NR2C1: variants seen among roughly 807,000 people sequenced by gnomAD.
The protein encoded by NR2C1 is TR2 nuclear hormone receptor.
A neutral mutation model predicts 74.8 loss-of-function variants in NR2C1; 33 were observed. The ratio of observed to expected loss-of-function variants is 0.44; its 90% confidence interval spans 0.33 to 0.59. The LOEUF is 0.59. Ranked by LOEUF, NR2C1 falls within the 20% of genes least tolerant of loss-of-function variation. The pLI, the probability that NR2C1 is intolerant of heterozygous loss-of-function variation, is 0.02. For missense variants in NR2C1, 568 were observed against 715.6 expected (o/e 0.79, Z 2.35); for synonymous variants, 225 against 240.6 (o/e 0.94, Z 0.60).
intron 1 of NR2C1, among the ~76,000 whole-genome samples, chr12:95,072,470 A>AAAG (rs1876838999): frequency 6.7e-6 from 1 of 150,204 alleles, no homozygotes; most frequent in Non-Finnish European, 1.5e-5. Flanking sequence ...AAAAAAAAAA[A>AAAG]AAAAGAAAAA....
rs765408697 is a variant in NR2C1, at chr12:95,025,222, T to C, written c.1565A>G (p.Glu522Gly). The change falls in exon 13 of 14, where the codon GAG becomes GGG. Residue 522 changes from glutamate (E) to glycine (G), a missense_variant. Physicochemically the swap from Glu to Gly is moderately conservative, Grantham distance 98. Around this residue, in one of 6 missense-constraint regions of NR2C1, gnomAD observed 117 missense variants for 186.7 expected, o/e 0.63. Coordinates refer to ENST00000333003, the MANE Select transcript of NR2C1 (RefSeq NM_003297.4). ...CACATAAGCCTTTTCCTGAAATTTC[T>C]CTATCTGTTCCATGTTTTCTAGGCT... The part of the protein sequence containing the change: ...HPSLENMEQI[E>G]KFQEKAYVEF... The C allele has an allele frequency of 3.1e-6, 5 of 1,606,068 alleles. No individual in the cohort carries two copies. In the African/African-American group the frequency reaches 4.0e-5, roughly 13 times the overall value.
At chr12:95,056,885 G>A (rs1020029953) in intron 7 of NR2C1, among the ~76,000 whole-genome samples, 5 of 151,414 alleles carry the variant, frequency 3.3e-5, no homozygotes, top group Non-Finnish European at 7.4e-5. Flanking sequence ...CGGGAACCCG[G>A]GAAGCGGAGC....
Position 95,059,889 on chromosome 12 carries a change from G to A in NR2C1, c.364+17C>T, listed in dbSNP as rs373991259. The A allele has an allele frequency of 1.7e-4, 258 of 1,546,332 alleles. No homozygotes were observed. The highest frequency in any genetic ancestry group is 2.1e-4 in the Non-Finnish European group (246 of 1,147,924). On this transcript the variant is annotated intron_variant, in intron 4 of 13. Transcript: ENST00000333003. ...TATTTTTTTTTTCTGTTTTTAGGAGGTTATTCTTAATGTTACCTGATGCTT... is the reference window on the plus strand; with the variant it reads ...TATTTTTTTTTTCTGTTTTTAGGAGATTATTCTTAATGTTACCTGATGCTT...
At chr12:95,061,500 ATT>A (rs1015489168) in intron 3 of NR2C1, among the ~76,000 whole-genome samples, 1 of 152,120 alleles carries the variant, frequency 6.6e-6, no homozygotes, top group African/African-American at 2.4e-5. Flanking sequence ...AATGTTATAC[ATT>A]TTTTTGTGAC....
intron 12 of NR2C1, among the ~76,000 whole-genome samples, chr12:95,025,963 T>C (rs2136091281): frequency 6.6e-6 from 1 of 151,882 alleles, no homozygotes; most frequent in South Asian, 2.1e-4. Context: ...TCCCAGCACT[T>C]TGGGAGGCCG....
intron 13 of NR2C1, among the ~76,000 whole-genome samples, chr12:95,024,930 T>A (rs1227191569): frequency 6.6e-6 from 1 of 152,220 alleles, no homozygotes; most frequent in African/African-American, 2.4e-5. Flanking sequence ...AAAGTTAACC[T>A]CTCTGTGCTG....
chr12:95,027,202 A>G (rs1405037118), intron 12 of NR2C1, among the ~76,000 whole-genome samples: 3 of 152,156 alleles, frequency 2.0e-5, no homozygotes, highest in Admixed American at 2.0e-4. Flanking sequence ...CTACAGGTGC[A>G]CACCAGCACA....
chr12:95,048,145 C>T (rs1023312622), intron 9 of NR2C1, among the ~76,000 whole-genome samples: 2 of 151,828 alleles, frequency 1.3e-5, no homozygotes, highest in South Asian at 2.1e-4. Flanking sequence ...AGGCTGGTCT[C>T]CAACTCCTGG....
intron 9 of NR2C1, among the ~76,000 whole-genome samples, chr12:95,042,186 C>CT (rs1176417072): frequency 6.7e-6 from 1 of 148,490 alleles, no homozygotes; most frequent in Non-Finnish European, 1.5e-5. Context: ...TGGGGAATGA[C>CT]TATTATAGCT....
intron 7 of NR2C1, among the ~76,000 whole-genome samples, chr12:95,056,662 T>C (rs1873923630): frequency 1.3e-5 from 2 of 152,168 alleles, no homozygotes; most frequent in African/African-American, 2.4e-5. Context: ...ATAAAAGAAA[T>C]ATTAAGAATT....
At chr12:95,029,337 T>G (rs929649892) in intron 11 of NR2C1, among the ~76,000 whole-genome samples, 9 of 151,530 alleles carry the variant, frequency 5.9e-5, no homozygotes, top group African/African-American at 2.2e-4. Context: ...TGCCTCAGCC[T>G]CCCAAAGTGT....
rs915669306 is a variant in NR2C1 at position 95,021,811 on chromosome 12, C to G, written c.*418G>C. 1 of 152,548 alleles carries G rather than the reference C, an allele frequency of 6.6e-6. No individual in the cohort carries two copies. The highest frequency in any genetic ancestry group is 1.5e-5 in the Non-Finnish European group (1 of 68,434). 9.4% of individuals were successfully genotyped at this position (152,548 alleles called of 1,614,324 possible). A position where few individuals can be genotyped will look rare whatever the true frequency, so the allele number is the denominator to read the frequency against. ...AAAATTATTATGGCAGAGTAAAATGCAAGGAACTAACTCCTTAGGGATTTC... is the reference window on the plus strand; with the variant it reads ...AAAATTATTATGGCAGAGTAAAATGGAAGGAACTAACTCCTTAGGGATTTC... On this transcript the variant is annotated 3_prime_UTR_variant, in exon 14 of 14. Transcript: ENST00000333003.
intron 9 of NR2C1, among the ~76,000 whole-genome samples, chr12:95,044,643 G>A (rs941309880): frequency 6.6e-5 from 10 of 152,044 alleles, no homozygotes; most frequent in African/African-American, 2.2e-4. Context: ...CCAGCACTTT[G>A]GGGGGGCCGA....
chr12:95,057,926 C>T, intron 5 of NR2C1, 48 bp from the exon 6 acceptor site: 1 of 1,522,928 alleles, frequency 6.6e-7, no homozygotes, highest in Non-Finnish European at 9.1e-7. Flanking sequence ...GATTTACAGA[C>T]AATTAGAAAT....
intron 10 of NR2C1, among the ~76,000 whole-genome samples, chr12:95,036,197 A>G (rs758036659): frequency 1.3e-5 from 2 of 151,794 alleles, no homozygotes; most frequent in Non-Finnish European, 2.9e-5. Context: ...ATCTTTAAGA[A>G]GCAAAAAGAG....
At chr12:95,040,879 AAT>A (rs1443786968) in intron 9 of NR2C1, among the ~76,000 whole-genome samples, 1 of 152,208 alleles carries the variant, frequency 6.6e-6, no homozygotes, top group Non-Finnish European at 1.5e-5. Flanking sequence ...TTGGTCTAAC[AAT>A]ATGTTTCTTT....
At position 95,025,526 on chromosome 12, in the gene NR2C1, C is replaced by T. The variant is rs1214139091; in HGVS notation, c.1532-271G>A. Among the ~76,000 whole-genome samples the T allele has an allele frequency of 3.3e-5, 5 of 151,694 alleles. No homozygotes were observed. The East Asian group carries it at 5.8e-4, about 18-fold the overall frequency. On this transcript the variant is annotated intron_variant, in intron 12 of 13. Coordinates refer to ENST00000333003, the MANE Select transcript of NR2C1 (RefSeq NM_003297.4). ...ATACAAAATTAGCCAGGCATGGTGG[C>T]GCATGCCTGTAATCCAAGCTACTCA...
chr12:95,022,699 A>C (rs1249937873), intron 13 of NR2C1, among the ~76,000 whole-genome samples: 1 of 128,504 alleles, frequency 7.8e-6, no homozygotes, highest in African/African-American at 3.2e-5. Flanking sequence ...CAAGTTATAC[A>C]ATTTTTTTTT....
At chr12:95,048,695 G>A (rs1872613125) in intron 9 of NR2C1, among the ~76,000 whole-genome samples, 4 of 150,728 alleles carry the variant, frequency 2.7e-5, no homozygotes, top group Admixed American at 2.7e-4. Flanking sequence ...CGTGATCTCG[G>A]TTCACCATAA....
Sources: allele counts gnomAD v4.1 joint callset (sites outside exome capture counted in the v4.1 genomes callset), GRCh38; gene constraint gnomAD v4.1.1; regional missense constraint gnomAD v4.1.1; transcripts MANE v1.5; gene names NCBI Gene and HGNC (gene_info 2026-07-23, HGNC 2026-07-21).